Variants in ZNF385D observed in about 807,000 individuals in gnomAD.
ZNF385D encodes the protein zinc finger protein 385D.
ZNF385D carries 15 observed loss-of-function variants against 35.8 expected under a neutral mutation model. The observed-to-expected ratio is 0.42, with a 90% CI of 0.28 to 0.64. The LOEUF is 0.64. ZNF385D is among the 30% of genes least tolerant of loss of function. ZNF385D has a pLI of 0.23. For missense variants in ZNF385D, 474 were observed against 494.6 expected (o/e 0.96, Z 0.39); for synonymous variants, 212 against 186.8 (o/e 1.13, Z -1.10).
At chr3:21,920,548 G>T (rs1184779482) in intron 3 of ZNF385D, among the ~76,000 whole-genome samples, 2 of 149,306 alleles carry the variant, frequency 1.3e-5, no homozygotes, top group Non-Finnish European at 3.0e-5. Context: ...GCTTAAGCAA[G>T]CCCTGAAAGT....
At chr3:21,640,229 T>C (rs930786383) in intron 2 of ZNF385D, among the ~76,000 whole-genome samples, 1 of 152,094 alleles carries the variant, frequency 6.6e-6, no homozygotes, top group African/African-American at 2.4e-5. Context: ...ATTAACATGG[T>C]GGAAATTGGG....
chr3:21,772,389 A>AC (rs58560304), intron 3 of ZNF385D, among the ~76,000 whole-genome samples: 45,803 of 151,778 alleles, frequency 0.3, 7,683 homozygotes, highest in Middle Eastern at 0.47. Context: ...AACAACAACA[A>AC]AAAAACAAGC....
chr3:21,642,802 G>A (rs891569928), intron 2 of ZNF385D, among the ~76,000 whole-genome samples: 3 of 152,118 alleles, frequency 2.0e-5, no homozygotes, highest in Non-Finnish European at 2.9e-5. Flanking sequence ...GCCACAAAAT[G>A]GGTGAACCTT....
At chr3:21,792,446 T>G (rs967948921) in intron 3 of ZNF385D, among the ~76,000 whole-genome samples, 5 of 152,218 alleles carry the variant, frequency 3.3e-5, no homozygotes, top group African/African-American at 1.2e-4. Context: ...TTTGTTTGCT[T>G]ATTGTCTATG....
At chr3:21,521,349 C>T (rs377418566) in intron 3 of ZNF385D, among the ~76,000 whole-genome samples, 17 of 152,340 alleles carry the variant, frequency 1.1e-4, no homozygotes, top group East Asian at 9.6e-4. Flanking sequence ...GCTGTTCATT[C>T]ATTCACAAAG....
intron 4 of ZNF385D, among the ~76,000 whole-genome samples, chr3:21,482,735 C>T (rs1429618363): frequency 2.0e-5 from 3 of 152,118 alleles, no homozygotes; most frequent in East Asian, 3.9e-4. Context: ...GCATGAGTAC[C>T]TAGGATGTCT....
At position 21,420,557 on chromosome 3, in the gene ZNF385D, C is replaced by T. The variant is rs1700689485; in HGVS notation, c.*657G>A. 6.6e-6 allele frequency: 1 copy of T among 152,146 alleles called. No individual in the cohort carries two copies. Among genetic ancestry groups the T allele is most frequent in the African/African-American group, 2.4e-5 (1 of 41,424 alleles). 9.4% of individuals were successfully genotyped at this position (152,146 alleles called of 1,614,324 possible). A position where few individuals can be genotyped will look rare whatever the true frequency, so the allele number is the denominator to read the frequency against. On this transcript the variant is annotated 3_prime_UTR_variant, in exon 8 of 8. Transcript: ENST00000281523. ...CTGACCAGGGAGACCTCCATGACAC[C>T]ATCCGGTGTATGTTTATTTTTTGAC...
intron 1 of ZNF385D, among the ~76,000 whole-genome samples, chr3:21,720,904 A>C (rs1300121598): frequency 1.3e-5 from 2 of 152,188 alleles, no homozygotes; most frequent in African/African-American, 4.8e-5. Context: ...GATTGCAACC[A>C]CGCAATTATT....
chr3:21,952,016 C>T (rs149750350), intron 3 of ZNF385D, among the ~76,000 whole-genome samples: 8 of 151,630 alleles, frequency 5.3e-5, no homozygotes, highest in Middle Eastern at 6.8e-3. Context: ...CCTAACTGAC[C>T]CCCTGAACTC....
chr3:22,194,545 G>C (rs900385470), intron 2 of ZNF385D, among the ~76,000 whole-genome samples: 3 of 150,722 alleles, frequency 2.0e-5, no homozygotes, highest in Non-Finnish European at 4.4e-5. Flanking sequence ...AAAATTCACT[G>C]TCATTTTTGT....
intron 2 of ZNF385D, among the ~76,000 whole-genome samples, chr3:22,197,620 T>C (rs1054742816): frequency 4.6e-5 from 7 of 152,112 alleles, no homozygotes; most frequent in African/African-American, 1.7e-4. Flanking sequence ...GGTGAAAGTC[T>C]GGAGCTCTAC....
chr3:21,834,823 A>C (rs996275045), intron 3 of ZNF385D, among the ~76,000 whole-genome samples: 2 of 152,050 alleles, frequency 1.3e-5, no homozygotes, highest in Non-Finnish European at 2.9e-5. Context: ...GTGAGTTCTC[A>C]CGACATCTGG....
intron 2 of ZNF385D, among the ~76,000 whole-genome samples, chr3:22,331,915 C>T (rs1387294102): frequency 1.3e-5 from 2 of 152,120 alleles, no homozygotes; most frequent in African/African-American, 2.4e-5. Flanking sequence ...ATTCCTGGCA[C>T]AGGCACTTGA....
chr3:21,689,623 C>A (rs2067218118), intron 1 of ZNF385D, among the ~76,000 whole-genome samples: 1 of 152,074 alleles, frequency 6.6e-6, no homozygotes, highest in South Asian at 2.1e-4. Flanking sequence ...TTAGTAATAG[C>A]ACAGATTATG....
intron 3 of ZNF385D, among the ~76,000 whole-genome samples, chr3:22,030,284 T>TACAAATAACAAATAGG (rs1697888883): frequency 5.1e-5 from 5 of 98,556 alleles, no homozygotes; most frequent in Admixed American, 1.0e-4. Context: ...TATATATATA[T>TACAAATAACAAATAGG]ATATATATAT....
intron 2 of ZNF385D, among the ~76,000 whole-genome samples, chr3:21,605,816 T>C (rs1241041944): frequency 1.3e-5 from 2 of 152,204 alleles, no homozygotes; most frequent in Non-Finnish European, 2.9e-5. Context: ...ATTCTTACCC[T>C]GATCTTTAAT....
chr3:22,049,106 G>C (rs536459070), intron 3 of ZNF385D, among the ~76,000 whole-genome samples: 72 of 152,016 alleles, frequency 4.7e-4, no homozygotes, highest in African/African-American at 1.7e-3. Context: ...AGACCACCCT[G>C]ACCAACATGG....
At chr3:21,500,937 C>T (rs989009287) in intron 4 of ZNF385D, among the ~76,000 whole-genome samples, 9 of 152,200 alleles carry the variant, frequency 5.9e-5, no homozygotes, top group Non-Finnish European at 1.2e-4. Flanking sequence ...AGGCAATTCC[C>T]GTGGCCTTCT....
intron 2 of ZNF385D, among the ~76,000 whole-genome samples, chr3:22,275,486 CACTTT>C (rs140615233): frequency 0.33 from 50,566 of 151,548 alleles, 8,608 homozygotes; most frequent in Non-Finnish European, 0.37. Context: ...GCTTTTAAGA[CACTTT>C]ACTTGTGCTG....
Sources: allele counts gnomAD v4.1 joint callset (sites outside exome capture counted in the v4.1 genomes callset), GRCh38; gene constraint gnomAD v4.1.1; transcripts MANE v1.5; gene names NCBI Gene and HGNC (gene_info 2026-07-23, HGNC 2026-07-21).